MCC: variants seen among roughly 807,000 people sequenced by gnomAD.
MCC encodes MCC regulator of Wnt signaling pathway, also known as colorectal mutant cancer protein.
Under a neutral mutation model 116.2 loss-of-function variants are expected in MCC, and 90 were observed. That is an observed-to-expected ratio of 0.77 (90% CI 0.65 to 0.92). MCC has a LOEUF of 0.92. MCC is among the 40% of genes least tolerant of loss of function. The pLI, the probability that MCC is intolerant of heterozygous loss-of-function variation, is 0.00. For missense variants in MCC, 1,516 were observed against 1,312.2 expected (o/e 1.16, Z -2.40); for synonymous variants, 578 against 510.5 (o/e 1.13, Z -1.78).
intron 1 of MCC, among the ~76,000 whole-genome samples, chr5:113,463,230 C>T (rs1303860198): frequency 6.6e-6 from 1 of 152,078 alleles, no homozygotes; most frequent in Non-Finnish European, 1.5e-5. Flanking sequence ...CTTTTTGGCC[C>T]TGCATGGTTA....
chr5:113,339,519 G>A (rs1459988890), intron 3 of MCC, among the ~76,000 whole-genome samples: 4 of 151,018 alleles, frequency 2.6e-5, no homozygotes, highest in South Asian at 2.1e-4. Flanking sequence ...TTTAGTTGTC[G>A]TATTTTCTTA....
chr5:113,266,842 A>C (rs151125415), intron 3 of MCC, among the ~76,000 whole-genome samples: 3,134 of 152,272 alleles, frequency 0.021, 42 homozygotes, highest in Non-Finnish European at 0.03. Context: ...AAAACCTATA[A>C]AAGATTAGGT....
At chr5:113,209,175 A>AT (rs1763023047) in intron 3 of MCC, among the ~76,000 whole-genome samples, 1 of 152,202 alleles carries the variant, frequency 6.6e-6, no homozygotes, top group Admixed American at 6.5e-5. Flanking sequence ...ACATTCCAAG[A>AT]TTGATGCTCT....
Position 113,364,485 on chromosome 5 carries a change from G to A in MCC, c.415+20483C>T, listed in dbSNP as rs144485945. Among the ~76,000 whole-genome samples, 122 of 152,312 alleles carry A rather than the reference G, an allele frequency of 8.0e-4. No homozygotes were observed. In the East Asian group the frequency reaches 0.012, roughly 15 times the overall value. ...CTTTCATGGGCTGGCACTAAGTGCCGATGGCTTTTCCAACTACAGGGTGCA... is the reference window on the plus strand; with the variant it reads ...CTTTCATGGGCTGGCACTAAGTGCCAATGGCTTTTCCAACTACAGGGTGCA... On this transcript the variant is annotated intron_variant, in intron 2 of 18. Coordinates refer to ENST00000408903, the MANE Select transcript of MCC (RefSeq NM_001085377.2).
At chr5:113,215,531 G>A (rs1225719400) in intron 3 of MCC, among the ~76,000 whole-genome samples, 1 of 152,128 alleles carries the variant, frequency 6.6e-6, no homozygotes, top group Non-Finnish European at 1.5e-5. Context: ...CCTCATGAAT[G>A]GGATTAAGGC....
chr5:113,150,720 T>C (rs562522287), intron 4 of MCC, among the ~76,000 whole-genome samples: 7 of 152,198 alleles, frequency 4.6e-5, no homozygotes, highest in African/African-American at 7.2e-5. Context: ...ATACAAATGA[T>C]AGAAGTCCTT....
chr5:113,046,674 A>G, intron 16 of MCC, among the ~76,000 whole-genome samples: 1 of 139,926 alleles, frequency 7.1e-6, no homozygotes, highest in Non-Finnish European at 1.5e-5. Context: ...ACTGCTAACA[A>G]ACTCAAAAGG....
chr5:113,487,214 T>G (rs1413885917), intron 1 of MCC, among the ~76,000 whole-genome samples: 1 of 151,080 alleles, frequency 6.6e-6, no homozygotes, highest in East Asian at 1.9e-4. Flanking sequence ...TTTTTTTAGG[T>G]AGGCAGGGAC....
intron 3 of MCC, among the ~76,000 whole-genome samples, chr5:113,298,937 C>T (rs1427044737): frequency 6.6e-6 from 1 of 152,110 alleles, no homozygotes; most frequent in Non-Finnish European, 1.5e-5. Flanking sequence ...TTGTGATCCC[C>T]ACTCCTGAAA....
intron 1 of MCC, among the ~76,000 whole-genome samples, chr5:113,395,513 A>G (rs927361677): frequency 6.6e-6 from 1 of 152,174 alleles, no homozygotes. Flanking sequence ...TAAAGTGCCA[A>G]TTTACTGAGC....
At chr5:113,056,628 G>T (rs1335229413) in intron 14 of MCC, among the ~76,000 whole-genome samples, 2 of 152,078 alleles carry the variant, frequency 1.3e-5, no homozygotes, top group Non-Finnish European at 2.9e-5. Flanking sequence ...TGCATACGAA[G>T]CTTAATACCT....
chr5:113,253,891 TA>T (rs1326960640), intron 3 of MCC, among the ~76,000 whole-genome samples: 2 of 152,162 alleles, frequency 1.3e-5, no homozygotes, highest in Middle Eastern at 3.4e-3. Flanking sequence ...GATGAAATGA[TA>T]AAAGAATGAT....
chr5:113,474,107 A>C (rs1322127341), intron 1 of MCC, among the ~76,000 whole-genome samples: 1 of 152,246 alleles, frequency 6.6e-6, no homozygotes, highest in Non-Finnish European at 1.5e-5. Flanking sequence ...TTGGACAAAA[A>C]GTTGATAAAC....
chr5:113,029,785 G>C (rs568528273), intron 17 of MCC, among the ~76,000 whole-genome samples: 2 of 152,096 alleles, frequency 1.3e-5, no homozygotes, highest in Non-Finnish European at 2.9e-5. Context: ...AAGCCTTCTC[G>C]ACTACTCTGA....
chr5:113,429,427 A>T (rs959380819), intron 1 of MCC, among the ~76,000 whole-genome samples: 3 of 152,144 alleles, frequency 2.0e-5, no homozygotes, highest in African/African-American at 7.2e-5. Flanking sequence ...GAAAAAATTA[A>T]TTTCTATTAT....
chr5:113,389,834 T>G (rs1769361004), intron 1 of MCC, among the ~76,000 whole-genome samples: 3 of 152,172 alleles, frequency 2.0e-5, no homozygotes, highest in African/African-American at 7.2e-5. Flanking sequence ...GGTCCCCACT[T>G]TGGATATTTT....
At chr5:113,237,066 A>T (rs1044910669) in intron 3 of MCC, among the ~76,000 whole-genome samples, 4 of 152,196 alleles carry the variant, frequency 2.6e-5, no homozygotes, top group African/African-American at 9.7e-5. Flanking sequence ...GAATTCATTA[A>T]ATACTTGCTA....
At chr5:113,251,282 C>T (rs747851407) in intron 3 of MCC, among the ~76,000 whole-genome samples, 5 of 152,168 alleles carry the variant, frequency 3.3e-5, no homozygotes, top group South Asian at 4.1e-4. Context: ...GCACTGTCTG[C>T]GTTTTTTTAA....
At chr5:113,406,877 G>A (rs1309993032) in intron 1 of MCC, among the ~76,000 whole-genome samples, 1 of 152,168 alleles carries the variant, frequency 6.6e-6, no homozygotes. Context: ...AAAGGTGGGA[G>A]CAAGTGCCAT....
Sources: gnomAD v4.1 joint callset for allele counts (sites outside exome capture counted in the v4.1 genomes callset) on GRCh38, gnomAD v4.1.1 for gene constraint, MANE v1.5 for transcripts, NCBI Gene and HGNC (gene_info 2026-07-23, HGNC 2026-07-21) for gene names.